The following AKR1E2 variants were observed in gnomAD, a reference collection of about 807,000 sequenced individuals.
The protein encoded by AKR1E2 is 1,5-anhydro-D-fructose reductase.
Under a neutral mutation model 41.9 loss-of-function variants are expected in AKR1E2, and 43 were observed. That is an observed-to-expected ratio of 1.03 (90% confidence interval 0.80 to 1.32). The LOEUF (loss-of-function observed/expected upper bound fraction) is 1.32. Among genes scored for constraint, AKR1E2 ranks in the 40% most tolerant of loss-of-function variants. AKR1E2 has a pLI of 0.00. For missense variants in AKR1E2, 423 were observed against 396.5 expected, an observed-to-expected ratio of 1.07 and a Z score of -0.57; for synonymous variants, 121 against 138.9, an observed-to-expected ratio of 0.87 and a Z score of 0.91.
At position 4,847,630 on chromosome 10, in the gene AKR1E2, T is replaced by A; in HGVS notation, c.*100T>A. ...ATCACAGCGCCAGGGCAGCTGTGCC[T>A]GGGACAGGAGCCACACAGTCAGAGG... is the stretch of plus-strand genomic sequence containing the variant. On this transcript the variant is annotated 3_prime_UTR_variant, in exon 10 of 10. Transcript: ENST00000298375. 1 of 1,381,906 alleles carries A rather than the reference T, an allele frequency of 7.2e-7. No individual in the cohort carries two copies. The highest frequency in any genetic ancestry group is 1.0e-6 in the Non-Finnish European group (1 of 984,896). The allele number at this position is 1,381,906 out of a possible 1,614,324, so 85.6% of individuals were successfully genotyped here. A position where few individuals can be genotyped will look rare whatever the true frequency, so the allele number is the denominator to read the frequency against.
intron 6 of AKR1E2, among the ~76,000 whole-genome samples, chr10:4,841,269 G>A (rs1027648942): frequency 6.6e-6 from 1 of 152,136 alleles, no homozygotes; most frequent in Non-Finnish European, 1.5e-5. Flanking sequence ...AGTTCTCAGG[G>A]CCCACCCGTG....
chr10:4,846,560 T>C (rs1834352696), intron 8 of AKR1E2, among the ~76,000 whole-genome samples: 1 of 151,786 alleles, frequency 6.6e-6, no homozygotes, highest in Admixed American at 6.6e-5. Flanking sequence ...TTTTTTTTTT[T>C]TTTGAGATGG....
intron 6 of AKR1E2, among the ~76,000 whole-genome samples, chr10:4,840,548 G>T (rs1833796387): frequency 6.6e-6 from 1 of 152,002 alleles, no homozygotes; most frequent in South Asian, 2.1e-4. Context: ...AATTCTTCAG[G>T]TCTTGGTGTG....
intron 6 of AKR1E2, among the ~76,000 whole-genome samples, chr10:4,841,185 G>C (rs1041437330): frequency 6.6e-6 from 1 of 152,084 alleles, no homozygotes; most frequent in African/African-American, 2.4e-5. Context: ...AGGAGACCTC[G>C]AGGACGATAC....
At chr10:4,860,380 A>G in the AKR1E2 span, among the ~76,000 whole-genome samples, 6 of 152,142 alleles carry the variant, frequency 3.9e-5, no homozygotes, top group South Asian at 1.0e-3. Flanking sequence ...GTTTTTATAG[A>G]CAGAAGCTGA....
the AKR1E2 span, among the ~76,000 whole-genome samples, chr10:4,862,128 C>T: frequency 1.3e-5 from 2 of 152,178 alleles, no homozygotes; most frequent in African/African-American, 4.8e-5. Flanking sequence ...GGAAGGGATC[C>T]AGTTTCAGCT....
chr10:4,845,957 A>G (rs2397985), intron 8 of AKR1E2: 16,382 of 439,182 alleles, frequency 0.037, 433 homozygotes, highest in East Asian at 0.12. Context: ...CAGGTCCACA[A>G]GACTCACCAG....
chr10:4,857,315 A>T, the AKR1E2 span, among the ~76,000 whole-genome samples: 16 of 152,278 alleles, frequency 1.1e-4, no homozygotes, highest in African/African-American at 3.9e-4. Flanking sequence ...TGGAGTTCTC[A>T]TGAATGGTTT....
At chr10:4,847,016 AGT>A (rs1834384037) in intron 8 of AKR1E2, 130 bp from the exon 9 acceptor site, 1 of 951,136 alleles carries the variant, frequency 1.1e-6, no homozygotes, top group Non-Finnish European at 1.6e-6. Flanking sequence ...GGAAGTTCCA[AGT>A]GTCTGATGAA....
At chr10:4,864,565 C>G in the AKR1E2 span, among the ~76,000 whole-genome samples, 1 of 145,644 alleles carries the variant, frequency 6.9e-6, no homozygotes, top group African/African-American at 2.6e-5. Flanking sequence ...CAGGGATGCC[C>G]TCTCTCACCA....
At chr10:4,848,759 C>T (rs531143686), downstream of AKR1E2, among the ~76,000 whole-genome samples, 15 of 152,260 alleles carry the variant, frequency 9.9e-5, no homozygotes, top group African/African-American at 3.6e-4. Context: ...CTATCACAAG[C>T]AGGCCAGCTG....
chr10:4,830,700 C>T lies in AKR1E2; in HGVS notation c.65C>T (p.Ala22Val), dbSNP rs1319084585. 3 of 1,614,036 alleles carry T rather than the reference C, an allele frequency of 1.9e-6. 1 individual carries two copies. In the Admixed American group the frequency reaches 5.0e-5, roughly 27 times the overall value. Residue 22 changes from alanine to valine, a missense_variant, in exon 2 of 10, where the codon GCA (alanine) becomes GTA (valine). Transcript: ENST00000298375. ...GCTTCTCCAGGGAAAGTGACCGAGG[C>T]AGTGAAAGAGGCCATTGACGCAGGG... Reference protein sequence around the residue: ...WKASPGKVTEAVKEAIDAGYR... With the variant: ...WKASPGKVTEVVKEAIDAGYR...
intron 9 of AKR1E2, 63 bp from the exon 10 acceptor site, chr10:4,847,425 A>G: frequency 6.3e-7 from 1 of 1,587,222 alleles, no homozygotes. Flanking sequence ...ACCATTTAAA[A>G]TGTTTCTCTT....
the AKR1E2 span, among the ~76,000 whole-genome samples, chr10:4,867,958 C>A: frequency 0.22 from 33,215 of 152,006 alleles, 3,854 homozygotes; most frequent in Middle Eastern, 0.33. Flanking sequence ...TATATACTGC[C>A]CCCAGAGCAG....
At chr10:4,835,089 C>T (rs954905508) in intron 3 of AKR1E2, among the ~76,000 whole-genome samples, 2 of 152,230 alleles carry the variant, frequency 1.3e-5, no homozygotes, top group African/African-American at 4.8e-5. Context: ...ATAAACATGC[C>T]TATGCCATTC....
Position 4,839,728 on chromosome 10 carries a change from G to A in AKR1E2, c.583-1G>A, listed in dbSNP as rs755518806. Reference sequence around the variant, plus strand: ...TTATGTAAGCTATGATTCTGTTATAGATTGAGTGCCACCCATATCTTACTC... The same window carrying A: ...TTATGTAAGCTATGATTCTGTTATAAATTGAGTGCCACCCATATCTTACTC... On this transcript the variant is annotated splice_acceptor_variant, in intron 5 of 9. Coordinates refer to ENST00000298375, the MANE Select transcript of AKR1E2 (RefSeq NM_001040177.3). LOFTEE classifies it high-confidence loss of function. The A allele has an allele frequency of 4.3e-6, 7 of 1,612,950 alleles. No homozygotes were observed. The highest frequency in any genetic ancestry group is 5.9e-6 in the Non-Finnish European group (7 of 1,178,968).
intron 2 of AKR1E2, among the ~76,000 whole-genome samples, chr10:4,832,455 T>A (rs1833044411): frequency 6.6e-6 from 1 of 152,214 alleles, no homozygotes; most frequent in Admixed American, 6.5e-5. Flanking sequence ...CAGGTAGGGA[T>A]GTGAGCAACT....
At chr10:4,852,689 T>C (rs4242773), downstream of AKR1E2, among the ~76,000 whole-genome samples, 2 of 152,044 alleles carry the variant, frequency 1.3e-5, no homozygotes, top group Non-Finnish European at 2.9e-5. Flanking sequence ...AGAGATGGAT[T>C]GGCAAGGTCT....
rs548523195 is a variant in AKR1E2, at chr10:4,839,695, T to C, written c.583-34T>C. ...TAGAGCTTTTCTTGAACACTAGTGG[T>C]CTGAATTTTATGTAAGCTATGATTC... On this transcript the variant is annotated intron_variant, in intron 5 of 9. Coordinates refer to ENST00000298375, the MANE Select transcript of AKR1E2 (RefSeq NM_001040177.3). 7 of 1,585,922 alleles carry C rather than the reference T, an allele frequency of 4.4e-6. No homozygotes were observed. The South Asian group carries it at 6.6e-5, about 15-fold the overall frequency.
Sources: allele counts gnomAD v4.1 joint callset (sites outside exome capture counted in the v4.1 genomes callset), GRCh38; gene constraint gnomAD v4.1.1; transcripts MANE v1.5; gene names NCBI Gene and HGNC (gene_info 2026-07-23, HGNC 2026-07-21).